Variants in CAST observed in about 807,000 individuals in gnomAD.
CAST encodes MIR583 host.
A neutral mutation model predicts 119.6 loss-of-function variants in CAST; 76 were observed. The ratio of observed to expected loss-of-function variants is 0.64; its 90% confidence interval spans 0.53 to 0.77. CAST has a LOEUF of 0.77. Ranked by LOEUF, CAST falls within the 30% of genes least tolerant of loss-of-function variation. CAST has a pLI of 0.00. For missense variants in CAST, 953 were observed against 946.5 expected (o/e 1.01, Z -0.09); for synonymous variants, 319 against 331.6 (o/e 0.96, Z 0.41).
the CAST span, among the ~76,000 whole-genome samples, chr5:95,981,133 G>T: frequency 3.2e-4 from 48 of 152,296 alleles, no homozygotes; most frequent in Admixed American, 1.1e-3. Context: ...GCAGGGAAGT[G>T]GGCTGGTTGG....
the CAST span, among the ~76,000 whole-genome samples, chr5:96,419,614 C>G: frequency 6.6e-6 from 1 of 151,672 alleles, no homozygotes; most frequent in Non-Finnish European, 1.5e-5. Flanking sequence ...CAAGTCTGCT[C>G]TTAACTGTTG....
At chr5:96,737,822 T>C in intron 10 of CAST, 27 bp from the exon 11 acceptor site, 2 of 1,283,798 alleles carry the variant, frequency 1.6e-6, no homozygotes, top group South Asian at 2.5e-5. Context: ...ACAAATAACA[T>C]TTAAATATCT....
the CAST span, among the ~76,000 whole-genome samples, chr5:96,461,928 C>T: frequency 6.6e-6 from 1 of 152,106 alleles, no homozygotes; most frequent in South Asian, 2.1e-4. Context: ...TAACTGCTCA[C>T]TAACCAAACA....
At chr5:96,095,341 T>C in the CAST span, among the ~76,000 whole-genome samples, 2 of 151,786 alleles carry the variant, frequency 1.3e-5, no homozygotes, top group African/African-American at 4.8e-5. Flanking sequence ...CCCAGCACTT[T>C]AGGAGGCCCA....
chr5:96,625,071 T>C (rs969246515), intron 1 of CAST, among the ~76,000 whole-genome samples: 1 of 152,186 alleles, frequency 6.6e-6, no homozygotes, highest in African/African-American at 2.4e-5. Flanking sequence ...AGAAACAAGG[T>C]GCACTTTTGG....
chr5:96,402,854 G>A, the CAST span, among the ~76,000 whole-genome samples: 1 of 152,112 alleles, frequency 6.6e-6, no homozygotes, highest in East Asian at 1.9e-4. Flanking sequence ...CACCAGTTTA[G>A]GGATCCTCAG....
At chr5:96,177,101 T>G in the CAST span, among the ~76,000 whole-genome samples, 3 of 152,194 alleles carry the variant, frequency 2.0e-5, no homozygotes, top group East Asian at 1.9e-4. Context: ...TTATTATGAT[T>G]ATTATTATTA....
the CAST span, among the ~76,000 whole-genome samples, chr5:96,031,775 G>A: frequency 1.3e-5 from 2 of 151,976 alleles, no homozygotes; most frequent in African/African-American, 4.8e-5. Context: ...ATATATTGGT[G>A]TGTAACCGAT....
chr5:96,364,939 C>T, the CAST span, among the ~76,000 whole-genome samples: 1 of 152,186 alleles, frequency 6.6e-6, no homozygotes, highest in African/African-American at 2.4e-5. Context: ...TAGATCTTTC[C>T]TGCTTTCTCT....
chr5:96,422,866 G>A, the CAST span, among the ~76,000 whole-genome samples: 1 of 149,872 alleles, frequency 6.7e-6, no homozygotes, highest in Admixed American at 6.6e-5. Flanking sequence ...TAGGTGCATT[G>A]TGTGGTATTC....
intron 11 of CAST, among the ~76,000 whole-genome samples, chr5:96,738,426 C>T (rs1216217508): frequency 6.6e-6 from 1 of 152,114 alleles, no homozygotes; most frequent in African/African-American, 2.4e-5. Context: ...TGGAAATTGT[C>T]TTTTGGCAGC....
chr5:95,965,936 T>TCA, the CAST span, among the ~76,000 whole-genome samples: 127 of 152,318 alleles, frequency 8.3e-4, no homozygotes, highest in Middle Eastern at 6.8e-3. Context: ...ATTATTATTA[T>TCA]TATCATCATC....
At chr5:95,978,840 T>A in the CAST span, among the ~76,000 whole-genome samples, 1 of 152,194 alleles carries the variant, frequency 6.6e-6, no homozygotes, top group African/African-American at 2.4e-5. Flanking sequence ...AGGATACATA[T>A]GCTGATGTAG....
chr5:96,326,730 T>A, the CAST span, among the ~76,000 whole-genome samples: 1 of 137,498 alleles, frequency 7.3e-6, no homozygotes, highest in African/African-American at 2.7e-5. Context: ...GTCTTCAGCA[T>A]CTGTCGCATT....
the CAST span, among the ~76,000 whole-genome samples, chr5:96,490,362 G>GTGTC: frequency 1.3e-5 from 2 of 151,456 alleles, no homozygotes; most frequent in Non-Finnish European, 2.9e-5. Flanking sequence ...GTCTGTGTGT[G>GTGTC]TGTGTGTGTG....
chr5:96,354,374 C>T, the CAST span, among the ~76,000 whole-genome samples: 1 of 152,168 alleles, frequency 6.6e-6, no homozygotes, highest in South Asian at 2.1e-4. Context: ...ACCACCCTCA[C>T]CACCCCATCT....
At chr5:96,020,067 A>T in the CAST span, among the ~76,000 whole-genome samples, 4 of 152,198 alleles carry the variant, frequency 2.6e-5, no homozygotes, top group African/African-American at 9.6e-5. Flanking sequence ...AGCAAGTAAG[A>T]TATTATCCTC....
At chr5:96,424,991 AAGAAAG>A in the CAST span, among the ~76,000 whole-genome samples, 109 of 139,684 alleles carry the variant, frequency 7.8e-4, no homozygotes, top group African/African-American at 2.8e-3. Flanking sequence ...GAAAGAAAGA[AAGAAAG>A]AGAAAGAAAG....
the CAST span, among the ~76,000 whole-genome samples, chr5:96,059,545 G>T: frequency 6.6e-6 from 1 of 152,022 alleles, no homozygotes; most frequent in African/African-American, 2.4e-5. Context: ...TTAGATACAG[G>T]GTCCAAAATG....
Sources: allele counts gnomAD v4.1 joint callset (sites outside exome capture counted in the v4.1 genomes callset), GRCh38; gene constraint gnomAD v4.1.1; transcripts MANE v1.5; gene names NCBI Gene and HGNC (gene_info 2026-07-23, HGNC 2026-07-21).